Variants in GABRB2 observed in about 807,000 individuals in gnomAD.
GABRB2 encodes the protein gamma-aminobutyric acid receptor subunit beta-2.
GABRB2 carries 16 observed loss-of-function variants against 54.7 expected under a neutral mutation model. The observed-to-expected ratio is 0.29, with a 90% CI of 0.20 to 0.44. The LOEUF (loss-of-function observed/expected upper bound fraction) is 0.44, where lower values mean the gene tolerates loss of function less well. Among genes scored for constraint, GABRB2 ranks in the 20% least tolerant of loss-of-function variants. GABRB2 has a pLI of 1.00. For missense variants in GABRB2, 355 were observed against 644.0 expected (o/e 0.55, Z 4.86); for synonymous variants, 244 against 233.8 (o/e 1.04, Z -0.40).
intron 3 of GABRB2, among the ~76,000 whole-genome samples, chr5:161,544,413 T>G (rs1250493774): frequency 6.6e-6 from 1 of 152,136 alleles, no homozygotes; most frequent in Non-Finnish European, 1.5e-5. Context: ...CTGGGACGCT[T>G]GTCATCGCAT....
chr5:161,346,054 G>A (rs1355831273), intron 5 of GABRB2, among the ~76,000 whole-genome samples: 4 of 152,074 alleles, frequency 2.6e-5, no homozygotes, highest in African/African-American at 4.8e-5. Flanking sequence ...GAATATCCAC[G>A]CACTTGTGTC....
At chr5:161,332,047 TC>T (rs1296476798) in intron 7 of GABRB2, among the ~76,000 whole-genome samples, 2 of 150,700 alleles carry the variant, frequency 1.3e-5, no homozygotes, top group African/African-American at 4.9e-5. Context: ...GCGCCTGTAG[TC>T]CCAGCTACTC....
In GABRB2 at chr5:161,294,446, CA is replaced by C; in HGVS notation, c.1192-19del. On this transcript the variant is annotated intron_variant, in intron 9 of 9. Transcript: ENST00000393959. ...GGGTCCATCTGCAAGGGAAGAGAAT[CA>C]AAAAGACAATCAGAACAATGAAGCT... 6.3e-7 allele frequency: 1 copy of C among 1,596,650 alleles called. No individual in the cohort carries two copies. The highest frequency in any genetic ancestry group is 8.6e-7 in the Non-Finnish European group (1 of 1,167,838).
intron 3 of GABRB2, 123 bp downstream of exon 3, chr5:161,545,104 T>A: frequency 1.7e-6 from 1 of 590,930 alleles, no homozygotes; most frequent in Non-Finnish European, 2.9e-6. Flanking sequence ...TGAAATTCCA[T>A]GCTCTCACCC....
chr5:161,316,765 T>C (rs113801494), intron 9 of GABRB2, among the ~76,000 whole-genome samples: 8,770 of 151,932 alleles, frequency 0.058, 362 homozygotes, highest in Middle Eastern at 0.071. Context: ...GTGCCTGCCA[T>C]TATGCCTGGC....
In GABRB2 at chr5:161,334,882, G is replaced by C; in HGVS notation, c.702C>G (p.Leu234=). The change falls in exon 7 of 10, where the codon CTC becomes CTG. Residue 234 remains leucine (L), a synonymous_variant. Transcript: ENST00000393959. ...FSTGSYPRLS[L]SFKLKRNIGY... is the part of the protein sequence containing the mutation. ...CAATGTTTCTCTTAAGCTTAAAGCT[G>C]AGGGATAACCTGGGATAGGAACCTA... The C allele has an allele frequency of 6.2e-7, 1 of 1,613,986 alleles. No homozygotes were observed. The highest frequency in any genetic ancestry group is 8.5e-7 in the Non-Finnish European group (1 of 1,179,874).
intron 6 of GABRB2, 23 bp from the exon 7 acceptor site, chr5:161,334,927 T>C (rs773282264): frequency 6.2e-7 from 1 of 1,608,438 alleles, no homozygotes; most frequent in Non-Finnish European, 8.5e-7. Flanking sequence ...TTTTAGAACA[T>C]CATCATTATC....
At chr5:161,476,355 C>G (rs1240273535) in intron 3 of GABRB2, among the ~76,000 whole-genome samples, 4 of 151,880 alleles carry the variant, frequency 2.6e-5, no homozygotes, top group Admixed American at 6.6e-5. Context: ...AAGATGTCAA[C>G]ACTACCCACG....
At chr5:161,476,726 C>T (rs929727564) in intron 3 of GABRB2, among the ~76,000 whole-genome samples, 30 of 151,930 alleles carry the variant, frequency 2.0e-4, no homozygotes, top group African/African-American at 7.0e-4. Flanking sequence ...ATTGGGATAA[C>T]TGGATAACTC....
chr5:161,412,977 C>T (rs1434043419), intron 4 of GABRB2, among the ~76,000 whole-genome samples: 1 of 152,166 alleles, frequency 6.6e-6, no homozygotes, highest in East Asian at 1.9e-4. Flanking sequence ...ACAATCTCAG[C>T]TCACTGCAGC....
At chr5:161,407,764 T>G (rs780009904) in intron 5 of GABRB2, among the ~76,000 whole-genome samples, 6 of 152,018 alleles carry the variant, frequency 3.9e-5, no homozygotes, top group Non-Finnish European at 8.8e-5. Context: ...AACGGCAACA[T>G]TTAAGTAAAA....
intron 9 of GABRB2, among the ~76,000 whole-genome samples, chr5:161,298,642 A>G (rs1757450068): frequency 6.6e-6 from 1 of 152,208 alleles, no homozygotes; most frequent in Admixed American, 6.5e-5. Context: ...TCCCTGCTCT[A>G]AGGCTTCTGC....
chr5:161,415,289 G>C (rs909903067), intron 4 of GABRB2, among the ~76,000 whole-genome samples: 1 of 152,088 alleles, frequency 6.6e-6, no homozygotes, highest in Non-Finnish European at 1.5e-5. Flanking sequence ...CCTTCTGTAG[G>C]GTAAATTCTA....
chr5:161,392,529 G>A (rs544522431), intron 5 of GABRB2, among the ~76,000 whole-genome samples: 1 of 152,246 alleles, frequency 6.6e-6, no homozygotes, highest in African/African-American at 2.4e-5. Flanking sequence ...AACAGCTCAG[G>A]CTTTGGGAGC....
intron 4 of GABRB2, among the ~76,000 whole-genome samples, chr5:161,447,429 A>G (rs1013825068): frequency 7.9e-5 from 12 of 152,148 alleles, no homozygotes; most frequent in Non-Finnish European, 1.3e-4. Flanking sequence ...GCTAAAATAT[A>G]AAGTCCTAAT....
Position 161,293,459 on chromosome 5 carries a change from ACAT to A in GABRB2, c.*619_*621del, listed in dbSNP as rs59737038. On this transcript the variant is annotated 3_prime_UTR_variant, in exon 10 of 10. Transcript: ENST00000393959. ...TCATCTCTAAATGCCAAAATGAAAGACATCATAGTTGATTCTCCGTGCTCAAGC... is the reference window on the plus strand; with the variant it reads ...TCATCTCTAAATGCCAAAATGAAAGACATAGTTGATTCTCCGTGCTCAAGC... The A allele has an allele frequency of 0.11, 16,826 of 152,216 alleles. 1,216 individuals are homozygous for A. The highest frequency in any genetic ancestry group is 0.2 in the African/African-American group (8,206 of 41,456). 9.4% of individuals were successfully genotyped at this position (152,216 alleles called of 1,614,324 possible).
chr5:161,443,883 A>T (rs1188953531), intron 4 of GABRB2, among the ~76,000 whole-genome samples: 1 of 152,192 alleles, frequency 6.6e-6, no homozygotes, highest in Non-Finnish European at 1.5e-5. Context: ...TTAATGAATC[A>T]TCTTAGTGTA....
intron 5 of GABRB2, among the ~76,000 whole-genome samples, chr5:161,406,352 T>G (rs1299755155): frequency 6.6e-6 from 1 of 151,872 alleles, no homozygotes; most frequent in Non-Finnish European, 1.5e-5. Context: ...CTACAGAAAA[T>G]GAGACTTACT....
intron 3 of GABRB2, among the ~76,000 whole-genome samples, chr5:161,493,657 T>C (rs1016173499): frequency 6.6e-6 from 1 of 151,756 alleles, no homozygotes; most frequent in Non-Finnish European, 1.5e-5. Flanking sequence ...AGAAAGTGTA[T>C]ATTTTAAAAA....
Sources: allele counts gnomAD v4.1 joint callset (sites outside exome capture counted in the v4.1 genomes callset), GRCh38; gene constraint gnomAD v4.1.1; transcripts MANE v1.5; gene names NCBI Gene and HGNC (gene_info 2026-07-23, HGNC 2026-07-21).